The following DLGAP1 variants were observed in gnomAD, a reference collection of about 807,000 sequenced individuals.
DLGAP1 encodes the protein disks large-associated protein 1.
DLGAP1 carries 11 observed loss-of-function variants against 90.8 expected under a neutral mutation model. The observed-to-expected ratio is 0.12, with a 90% CI of 0.08 to 0.20. The LOEUF is 0.20. Among genes scored for constraint, DLGAP1 ranks in the 10% least tolerant of loss-of-function variants. DLGAP1 has a pLI of 1.00. For synonymous variants in DLGAP1, 558 were observed against 540.7 expected (o/e 1.03, Z -0.44); for missense variants, 1,050 against 1,333.8 (o/e 0.79, Z 3.31).
chr18:3,624,562 G>GT (rs2058223137), intron 7 of DLGAP1, among the ~76,000 whole-genome samples: 1 of 152,134 alleles, frequency 6.6e-6, no homozygotes, highest in Non-Finnish European at 1.5e-5. Context: ...TGTAGGAGTA[G>GT]TTTTGTAGCA....
chr18:3,497,531 A>C lies in DLGAP1; in HGVS notation c.*1654T>G, dbSNP rs75425207. 6.6e-6 allele frequency: 1 copy of C among 152,196 alleles called. No homozygotes were observed. The highest frequency in any genetic ancestry group is 2.4e-5 in the African/African-American group (1 of 41,448). The allele number at this position is 152,196 out of a possible 1,614,324, so 9.4% of individuals were successfully genotyped here. A position where few individuals can be genotyped will look rare whatever the true frequency, so the allele number is the denominator to read the frequency against. On this transcript the variant is annotated 3_prime_UTR_variant, in exon 13 of 13. Transcript: ENST00000315677. ...AGAACCCATCACCTCTCTTAATTTC[A>C]TAAGTAAAATTAAATTAGCACCTGG...
intron 9 of DLGAP1, 139 bp downstream of exon 9, chr18:3,567,351 T>C (rs2054493686): frequency 7.3e-6 from 5 of 681,912 alleles, no homozygotes; most frequent in Non-Finnish European, 1.0e-5. Flanking sequence ...CAACTAATAT[T>C]GATTCAACTT....
Position 4,002,669 on chromosome 18 carries a change from T to A in DLGAP1, c.-73+2447A>T, listed in dbSNP as rs796923351. Among the ~76,000 whole-genome samples the A allele has an allele frequency of 3.2e-4, 49 of 152,296 alleles. 1 individual carries two copies. The highest frequency in any genetic ancestry group is 1.2e-3 in the African/African-American group (49 of 41,574). ...AGTAAGGCTTCCAGTCAATAGTAGA[T>A]TATTAGTAGTTTCGTTTCTGGAGAG... On this transcript the variant is annotated intron_variant, in intron 3 of 12. Transcript: ENST00000315677.
chr18:3,502,560 A>C lies in DLGAP1; in HGVS notation c.2657T>G (p.Met886Arg), dbSNP rs777231021. The C allele has an allele frequency of 1.2e-6, 2 of 1,614,172 alleles. No individual in the cohort carries two copies. Among genetic ancestry groups the C allele is most frequent in the Non-Finnish European group, 1.7e-6 (2 of 1,180,024 alleles). Residue 886 changes from methionine to arginine, a missense_variant, in exon 12 of 13, where the codon ATG becomes AGG. Transcript: ENST00000315677. Reference sequence around the variant, plus strand: ...TAACTGATGAAGTTCATCAAATTTCATACTAATATTTTCTATGGACAACTG... The same window carrying C: ...TAACTGATGAAGTTCATCAAATTTCCTACTAATATTTTCTATGGACAACTG... Reference protein sequence around the residue: ...MLQLSIENISMKFDELHQLKA... With the variant: ...MLQLSIENISRKFDELHQLKA...
intron 6 of DLGAP1, among the ~76,000 whole-genome samples, chr18:3,741,073 C>CAT (rs2062933289): frequency 8.6e-6 from 1 of 115,624 alleles, no homozygotes; most frequent in Non-Finnish European, 1.9e-5. Context: ...ACCACCACCA[C>CAT]CACCACCATC....
At chr18:3,757,047 A>C (rs2063744923) in intron 5 of DLGAP1, among the ~76,000 whole-genome samples, 1 of 152,222 alleles carries the variant, frequency 6.6e-6, no homozygotes, top group Admixed American at 6.5e-5. Context: ...CTTCCAGAAA[A>C]TAGAGGAAGA....
At chr18:4,320,676 A>C (rs1353165413) in intron 1 of DLGAP1, among the ~76,000 whole-genome samples, 1 of 151,818 alleles carries the variant, frequency 6.6e-6, no homozygotes, top group Non-Finnish European at 1.5e-5. Context: ...TGCCCTTTCC[A>C]AGCTTTAAAA....
intron 3 of DLGAP1, among the ~76,000 whole-genome samples, chr18:3,982,595 G>A (rs568384928): frequency 6.6e-6 from 1 of 152,140 alleles, no homozygotes; most frequent in East Asian, 1.9e-4. Context: ...GGGATAGCCT[G>A]TGATCAGTTC....
At chr18:4,296,657 T>C (rs2079989457) in intron 1 of DLGAP1, among the ~76,000 whole-genome samples, 1 of 152,254 alleles carries the variant, frequency 6.6e-6, no homozygotes, top group African/African-American at 2.4e-5. Context: ...CTACATTCTC[T>C]GGTGGACAAA....
intron 7 of DLGAP1, among the ~76,000 whole-genome samples, chr18:3,583,964 C>T (rs111322229): frequency 4.6e-5 from 7 of 152,034 alleles, no homozygotes; most frequent in African/African-American, 1.7e-4. Context: ...ATGGTGGGGG[C>T]CTGAATCTAG....
At chr18:4,344,682 G>A (rs2081270203) in intron 1 of DLGAP1, among the ~76,000 whole-genome samples, 1 of 152,116 alleles carries the variant, frequency 6.6e-6, no homozygotes, top group African/African-American at 2.4e-5. Context: ...CTTTAAATTA[G>A]ACTTCTAATT....
At chr18:3,654,194 G>A (rs749395384) in intron 7 of DLGAP1, among the ~76,000 whole-genome samples, 8 of 152,158 alleles carry the variant, frequency 5.3e-5, no homozygotes, top group Non-Finnish European at 1.2e-4. Flanking sequence ...AGCCACTCCA[G>A]AGAACTTCCT....
At chr18:4,075,935 CTTA>C (rs1289034706) in intron 2 of DLGAP1, among the ~76,000 whole-genome samples, 10 of 152,136 alleles carry the variant, frequency 6.6e-5, no homozygotes, top group Admixed American at 6.6e-4. Flanking sequence ...AATCATGGAG[CTTA>C]TTGTCAGTCC....
rs532559210 is a variant in DLGAP1, at chr18:4,034,198, C to T, written c.-158-28997G>A. Among the ~76,000 whole-genome samples, 8 of 151,786 alleles carry T rather than the reference C, an allele frequency of 5.3e-5. No individual in the cohort carries two copies. In the South Asian group the frequency reaches 1.0e-3, roughly 20 times the overall value. ...CTGGGATTACAAGCGCCCACCACCACGCCTGGCTAATTTTTGTATTTTTAG... is the reference window on the plus strand; with the variant it reads ...CTGGGATTACAAGCGCCCACCACCATGCCTGGCTAATTTTTGTATTTTTAG... On this transcript the variant is annotated intron_variant, in intron 2 of 12. Coordinates refer to ENST00000315677, the MANE Select transcript of DLGAP1 (RefSeq NM_004746.4).
At chr18:3,635,222 C>A (rs2058662563) in intron 7 of DLGAP1, among the ~76,000 whole-genome samples, 3 of 151,944 alleles carry the variant, frequency 2.0e-5, no homozygotes, top group Admixed American at 2.0e-4. Flanking sequence ...GCTCCGCCTC[C>A]CGGGTTCACG....
intron 7 of DLGAP1, among the ~76,000 whole-genome samples, chr18:3,697,139 C>A (rs1278745256): frequency 2.0e-5 from 3 of 152,086 alleles, no homozygotes; most frequent in Non-Finnish European, 4.4e-5. Context: ...TTTCAAAAAA[C>A]CAGCTCCTGG....
chr18:3,876,858 G>C (rs2071018535), intron 4 of DLGAP1, among the ~76,000 whole-genome samples: 1 of 152,050 alleles, frequency 6.6e-6, no homozygotes, highest in South Asian at 2.1e-4. Context: ...CCATACTTAA[G>C]CCTTTAAGAT....
chr18:3,789,107 T>C (rs17648967), intron 5 of DLGAP1, among the ~76,000 whole-genome samples: 51,166 of 152,166 alleles, frequency 0.34, 9,728 homozygotes, highest in Non-Finnish European at 0.44. Flanking sequence ...GTGCTAGTCC[T>C]TGATTGAGCC....
At chr18:3,523,364 A>G (rs530105745) in intron 10 of DLGAP1, among the ~76,000 whole-genome samples, 1 of 151,876 alleles carries the variant, frequency 6.6e-6, no homozygotes, top group East Asian at 1.9e-4. Context: ...GCAACAGAGC[A>G]AGGCTCCATC....
Sources: gnomAD v4.1 joint callset for allele counts (sites outside exome capture counted in the v4.1 genomes callset) on GRCh38, gnomAD v4.1.1 for gene constraint, MANE v1.5 for transcripts, NCBI Gene and HGNC (gene_info 2026-07-23, HGNC 2026-07-21) for gene names.